The following PHKG2 variants were observed in gnomAD, a reference collection of about 807,000 sequenced individuals.
PHKG2 encodes phosphorylase kinase catalytic subunit gamma 2.
Under a neutral mutation model 44.5 loss-of-function variants are expected in PHKG2, and 28 were observed. The observed-to-expected ratio is 0.63, with a 90% CI of 0.47 to 0.86. The LOEUF (loss-of-function observed/expected upper bound fraction) is 0.86. Among genes scored for constraint, PHKG2 ranks in the 40% least tolerant of loss-of-function variants. PHKG2 has a pLI of 0.00. For missense variants in PHKG2, 498 were observed against 547.5 expected, an observed-to-expected ratio of 0.91 and a Z score of 0.90; for synonymous variants, 220 against 211.2, an observed-to-expected ratio of 1.04 and a Z score of -0.36.
chr16:30,751,191 CG>C lies in PHKG2; in HGVS notation c.183del (p.Leu62Ter). ...GAAGATTATGGAAGTGACAGCTGAGCGGCTGAGTCCTGAGCAGCTGGAGGAG... is the reference window on the plus strand; with the variant it reads ...GAAGATTATGGAAGTGACAGCTGAGCGCTGAGTCCTGAGCAGCTGGAGGAG... ...AVKIMEVTAE[R>X]LSPEQLEEVR... On this transcript the variant is annotated frameshift_variant, in exon 3 of 10. Transcript: ENST00000563588. LOFTEE classifies it high-confidence loss of function. The C allele has an allele frequency of 6.2e-7, 1 of 1,613,726 alleles. No homozygotes were observed. The highest frequency in any genetic ancestry group is 8.5e-7 in the Non-Finnish European group (1 of 1,180,008).
At chr16:30,748,750 C>T (rs1453252240) in intron 1 of PHKG2, 53 bp from the exon 2 acceptor site, 4 of 919,746 alleles carry the variant, frequency 4.3e-6, no homozygotes, top group African/African-American at 3.5e-5. Flanking sequence ...CCATGCGGGT[C>T]GTCTCAGAGC....
intron 4 of PHKG2, chr16:30,752,892 C>CA (rs1352656094): frequency 2.3e-5 from 9 of 384,418 alleles, no homozygotes; most frequent in South Asian, 1.1e-4. Context: ...CTTTGTGCCA[C>CA]AAAAAACTGA....
Position 30,758,613 on chromosome 16 carries a change from T to C in PHKG2, c.*1516T>C. ...CTCTGTTGCCCAGGCTGGAGTGCAG[T>C]GGCCAGATCTTGGCTCACTGCAGTC... On this transcript the variant is annotated 3_prime_UTR_variant, in exon 10 of 10. Coordinates refer to ENST00000563588, the MANE Select transcript of PHKG2 (RefSeq NM_000294.3). 8.2e-6 allele frequency: 2 copies of C among 244,906 alleles called. No individual in the cohort carries two copies. Among genetic ancestry groups the C allele is most frequent in the Non-Finnish European group, 1.6e-5 (2 of 123,688 alleles). The allele number at this position is 244,906 out of a possible 1,614,324, so 15.2% of individuals were successfully genotyped here.
In PHKG2 at chr16:30,748,820, G is replaced by A; in HGVS notation, c.-1G>A. The A allele has an allele frequency of 6.4e-7, 1 of 1,551,204 alleles. No individual in the cohort carries two copies. Among genetic ancestry groups the A allele is most frequent in the Non-Finnish European group, 8.7e-7 (1 of 1,146,742 alleles). ...CCGCGCAGGCCCCCGCCTCCTTCAG[G>A]ATGACGCTGGACGTGGGGCCGGAGG... On this transcript the variant is annotated 5_prime_UTR_variant, in exon 2 of 10. Transcript: ENST00000563588.
At chr16:30,752,328 G>T (rs1389283984) in intron 4 of PHKG2, among the ~76,000 whole-genome samples, 3 of 147,656 alleles carry the variant, frequency 2.0e-5, no homozygotes, top group Non-Finnish European at 4.5e-5. Context: ...GGAGGCGGAG[G>T]TTGCAGTGAG....
At position 30,748,877 on chromosome 16, in the gene PHKG2, G is replaced by A. The variant is rs1248690547; in HGVS notation, c.57G>A (p.Glu19=). ...TGCCCGACTGGGCCGCCGCCAAAGA[G>A]TTTTACCAGAAGTACGACCCTAAGG... is the stretch of plus-strand genomic sequence containing the variant. ...DELPDWAAAK[E]FYQKYDPKDV... Residue 19 remains glutamate, a synonymous_variant, in exon 2 of 10, where the codon GAG becomes GAA. Transcript: ENST00000563588. 4 of 1,554,944 alleles carry A rather than the reference G, an allele frequency of 2.6e-6. No individual in the cohort carries two copies. The East Asian group carries it at 7.2e-5, about 28-fold the overall frequency.
intron 2 of PHKG2, among the ~76,000 whole-genome samples, chr16:30,750,782 CT>C (rs2053333550): frequency 1.6e-3 from 1 of 616 alleles, no homozygotes; most frequent in African/African-American, 2.0e-3. Context: ...AGACTTAGAT[CT>C]TTCTTTCCCC....
rs748299636 is a variant in PHKG2 at position 30,759,666 on chromosome 16, G to A, written c.*2569G>A. Reference sequence around the variant, plus strand: ...CAGGGGAACTGACCCTGACTCCATGGCAAAAAAGGACACTGGTGAAGTAGC... The same window carrying A: ...CAGGGGAACTGACCCTGACTCCATGACAAAAAAGGACACTGGTGAAGTAGC... On this transcript the variant is annotated 3_prime_UTR_variant, in exon 10 of 10. Transcript: ENST00000563588. The A allele has an allele frequency of 1.9e-6, 3 of 1,612,300 alleles. No individual in the cohort carries two copies. The East Asian group carries it at 6.7e-5, about 36-fold the overall frequency.
In PHKG2 at chr16:30,757,894, G is replaced by A; in HGVS notation, c.*797G>A. On this transcript the variant is annotated 3_prime_UTR_variant, in exon 10 of 10. Transcript: ENST00000563588. ...CTACTCAGTAGCTGTGTGACCTTAGGCAGGTTATTTAACCTATCTGTGCCT... is the reference window on the plus strand; with the variant it reads ...CTACTCAGTAGCTGTGTGACCTTAGACAGGTTATTTAACCTATCTGTGCCT... The A allele has an allele frequency of 2.1e-5, 25 of 1,180,848 alleles. No homozygotes were observed. Among genetic ancestry groups the A allele is most frequent in the Non-Finnish European group, 2.8e-5 (25 of 903,700 alleles). The allele number at this position is 1,180,848 out of a possible 1,614,324, so 73.1% of individuals were successfully genotyped here. A position where few individuals can be genotyped will look rare whatever the true frequency, so the allele number is the denominator to read the frequency against.
At position 30,757,602 on chromosome 16, in the gene PHKG2, C is replaced by T. The variant is rs1190149142; in HGVS notation, c.*505C>T. ...CCTCCACCAGCCCCTGGAGCTGCTC[C>T]AGCTCTTTGTTCACTTGGGTCTTGA... On this transcript the variant is annotated 3_prime_UTR_variant, in exon 10 of 10. Transcript: ENST00000563588. 4.3e-6 allele frequency: 7 copies of T among 1,614,192 alleles called. No homozygotes were observed. Among genetic ancestry groups the T allele is most frequent in the East Asian group, 2.2e-5 (1 of 44,886 alleles).
chr16:30,748,785 C>T lies in PHKG2; in HGVS notation c.-18-18C>T. 1 of 1,493,776 alleles carries T rather than the reference C, an allele frequency of 6.7e-7. No individual in the cohort carries two copies. Among genetic ancestry groups the T allele is most frequent in the Non-Finnish European group, 9.1e-7 (1 of 1,095,286 alleles). 92.5% of individuals were successfully genotyped at this position (1,493,776 alleles called of 1,614,324 possible). ...CCTGTGGGCCTCCCTGCCCTCACTG[C>T]CCTCCTCCTCCGCGCAGGCCCCCGC... On this transcript the variant is annotated intron_variant, in intron 1 of 9. Transcript: ENST00000563588.
At position 30,758,638 on chromosome 16, in the gene PHKG2, C is replaced by T. The variant is rs1408020759; in HGVS notation, c.*1541C>T. ...TGGCCAGATCTTGGCTCACTGCAGT[C>T]TCCACCTCCTGGGTTCATGCAGTTC... On this transcript the variant is annotated 3_prime_UTR_variant, in exon 10 of 10. Transcript: ENST00000563588. 3.6e-6 allele frequency: 1 copy of T among 279,256 alleles called. No homozygotes were observed. Among genetic ancestry groups the T allele is most frequent in the Admixed American group, 5.0e-5 (1 of 19,916 alleles). The allele number at this position is 279,256 out of a possible 1,614,324, so 17.3% of individuals were successfully genotyped here. A position where few individuals can be genotyped will look rare whatever the true frequency, so the allele number is the denominator to read the frequency against.
chr16:30,760,509 C>T lies in PHKG2; in HGVS notation c.*3412C>T. ...TGGGCCTCCTTTCATCACCCTACAC[C>T]CACCACATGCTTTGGAGTCAGCCAT... On this transcript the variant is annotated 3_prime_UTR_variant, in exon 10 of 10. Transcript: ENST00000563588. 6.2e-7 allele frequency: 1 copy of T among 1,611,196 alleles called. No homozygotes were observed. Among genetic ancestry groups the T allele is most frequent in the South Asian group, 1.1e-5 (1 of 90,878 alleles).
rs998151255 is a variant in PHKG2, at chr16:30,759,907, C to T, written c.*2810C>T. On this transcript the variant is annotated 3_prime_UTR_variant, in exon 10 of 10. Transcript: ENST00000563588. The stretch of plus-strand genomic sequence containing the variant: ...CACTATATGCCCACTGTATGGTTTT[C>T]GGCACTGAACAAGACAGACAAGGTC... 3.3e-5 allele frequency: 47 copies of T among 1,439,722 alleles called. No individual in the cohort carries two copies. Among genetic ancestry groups the T allele is most frequent in the East Asian group, 1.5e-4 (6 of 40,276 alleles). The allele number at this position is 1,439,722 out of a possible 1,614,324, so 89.2% of individuals were successfully genotyped here.
At position 30,759,371 on chromosome 16, in the gene PHKG2, T is replaced by G. The variant is rs2053583461; in HGVS notation, c.*2274T>G. The stretch of plus-strand genomic sequence containing the variant: ...GGTGTGAAGACGTATTTATAGAGCT[T>G]GAAGTGGCGGAAGTAAGTGTTGACC... On this transcript the variant is annotated 3_prime_UTR_variant, in exon 10 of 10. Coordinates refer to ENST00000563588, the MANE Select transcript of PHKG2 (RefSeq NM_000294.3). 1 of 1,614,052 alleles carries G rather than the reference T, an allele frequency of 6.2e-7. No individual in the cohort carries two copies. Among genetic ancestry groups the G allele is most frequent in the African/African-American group, 1.3e-5 (1 of 74,916 alleles).
rs1467286292 is a variant in PHKG2, at chr16:30,756,328, C to G, written c.648-39C>G. On this transcript the variant is annotated intron_variant, in intron 7 of 9. Transcript: ENST00000563588. Reference sequence around the variant, plus strand: ...GCTTGCTGTCCTTTGCTGGGTCTGCCCGTCACCTAGTCCCGCCTGACTCCA... The same window carrying G: ...GCTTGCTGTCCTTTGCTGGGTCTGCGCGTCACCTAGTCCCGCCTGACTCCA... The G allele has an allele frequency of 1.9e-6, 3 of 1,614,168 alleles. No homozygotes were observed. In the South Asian group the frequency reaches 3.3e-5, roughly 18 times the overall value.
At chr16:30,749,575 A>T (rs1406851725) in intron 2 of PHKG2, among the ~76,000 whole-genome samples, 1 of 151,344 alleles carries the variant, frequency 6.6e-6, no homozygotes, top group East Asian at 1.9e-4. Flanking sequence ...TGAACTCCTG[A>T]TCTCGTGATC....
In PHKG2 at chr16:30,757,892, AG is replaced by A; in HGVS notation, c.*797del. ...CCCTACTCAGTAGCTGTGTGACCTT[AG>A]GCAGGTTATTTAACCTATCTGTGCC... On this transcript the variant is annotated 3_prime_UTR_variant, in exon 10 of 10. Coordinates refer to ENST00000563588, the MANE Select transcript of PHKG2 (RefSeq NM_000294.3). 8.3e-7 allele frequency: 1 copy of A among 1,201,094 alleles called. No homozygotes were observed. The highest frequency in any genetic ancestry group is 1.1e-6 in the Non-Finnish European group (1 of 920,464). 74.4% of individuals were successfully genotyped at this position (1,201,094 alleles called of 1,614,324 possible). A position where few individuals can be genotyped will look rare whatever the true frequency, so the allele number is the denominator to read the frequency against.
At chr16:30,755,183 A>G (rs900963495) in intron 6 of PHKG2, 12 of 290,414 alleles carry the variant, frequency 4.1e-5, no homozygotes, top group Non-Finnish European at 7.6e-5. Flanking sequence ...CCAAGGCTAC[A>G]ATGAGCTGTG....
Sources: allele counts gnomAD v4.1 joint callset (sites outside exome capture counted in the v4.1 genomes callset), GRCh38; gene constraint gnomAD v4.1.1; transcripts MANE v1.5; gene names NCBI Gene and HGNC (gene_info 2026-07-23, HGNC 2026-07-21).